TRMT2B: variants seen among roughly 807,000 people sequenced by gnomAD.
The protein encoded by TRMT2B is tRNA (uracil-5-)-methyltransferase homolog B.
TRMT2B carries 34 observed loss-of-function variants against 39.7 expected under a neutral mutation model. The ratio of observed to expected loss-of-function variants is 0.86; its 90% CI spans 0.65 to 1.14. The LOEUF is 1.14. TRMT2B is among the 50% of genes most tolerant of loss of function. The probability of loss-of-function intolerance (pLI) is 0.00; values close to 1 mark genes in which losing one functional copy is unlikely to be tolerated. For synonymous variants in TRMT2B, 132 were observed against 137.3 expected (o/e 0.96, Z 0.27); for missense variants, 318 against 377.2 (o/e 0.84, Z 1.30).
intron 2 of TRMT2B, among the ~76,000 whole-genome samples, chrX:101,050,561 C>T (rs1035971419): frequency 1.8e-5 from 2 of 109,282 alleles, no homozygotes; most frequent in Non-Finnish European, 3.8e-5. Context: ...CCTGTCTATA[C>T]TAAAAGTACA....
At chrX:100,982,692 G>A in the TRMT2B span, among the ~76,000 whole-genome samples, 1 of 95,469 alleles carries the variant, frequency 1.0e-5, no homozygotes, top group Non-Finnish European at 2.0e-5. Context: ...CTGTCACCCC[G>A]ACTGGGGTGC....
At chrX:101,021,366 C>T (rs1370517195) in intron 9 of TRMT2B, 51 bp from the exon 10 acceptor site, 4 of 1,088,747 alleles carry the variant, frequency 3.7e-6, no homozygotes, top group Non-Finnish European at 3.7e-6. Flanking sequence ...CGGTGGCTCA[C>T]GCCTGTAATC....
chrX:100,999,664 A>T, the TRMT2B span, among the ~76,000 whole-genome samples: 1 of 112,364 alleles, frequency 8.9e-6, no homozygotes, highest in East Asian at 2.8e-4. Flanking sequence ...GCTGGTCTGG[A>T]CATGGTCTGC....
At position 101,019,779 on chromosome X, in the gene TRMT2B, C is replaced by G. The variant is rs185756164; in HGVS notation, c.1169-376G>C. On this transcript the variant is annotated intron_variant, in intron 11 of 13. Coordinates refer to ENST00000372936, the MANE Select transcript of TRMT2B (RefSeq NM_024917.6). ...TCCCGAGTAGCTTGGATTACAGGCGCCTGCCACCACGACCGGCTAATTTTG... is the reference window on the plus strand; with the variant it reads ...TCCCGAGTAGCTTGGATTACAGGCGGCTGCCACCACGACCGGCTAATTTTG... Among the ~76,000 whole-genome samples, 39 of 108,973 alleles carry G rather than the reference C, an allele frequency of 3.6e-4. No individual in the cohort carries two copies. The East Asian group carries it at 0.01, about 29-fold the overall frequency. The allele number at this position is 108,973 out of a possible 115,157, so 94.6% of individuals were successfully genotyped here.
rs773768252 is a variant in TRMT2B at position 101,009,535 on chromosome X, C to T, written c.*1046G>A. On this transcript the variant is annotated 3_prime_UTR_variant, in exon 14 of 14. Transcript: ENST00000372936. ...GTGCTATTGCTCCTAGGGATAACTA[C>T]ATTTTCTTTTTTTTTTTTTTTTTGA... The T allele has an allele frequency of 1.1e-5, 1 of 87,088 alleles. No homozygotes were observed. Among genetic ancestry groups the T allele is most frequent in the South Asian group, 5.6e-4 (1 of 1,788 alleles). 7.2% of individuals were successfully genotyped at this position (87,088 alleles called of 1,213,427 possible). A position where few individuals can be genotyped will look rare whatever the true frequency, so the allele number is the denominator to read the frequency against.
chrX:101,048,113 T>TACACACATAC (rs1556364027), intron 2 of TRMT2B, among the ~76,000 whole-genome samples: 38 of 90,417 alleles, frequency 4.2e-4, no homozygotes, highest in African/African-American at 1.3e-3. Context: ...TTTATACACA[T>TACACACATAC]ACACACACAC....
At chrX:101,005,140 C>T (rs935040467), downstream of TRMT2B, among the ~76,000 whole-genome samples, 2 of 111,458 alleles carry the variant, frequency 1.8e-5, no homozygotes, top group South Asian at 3.8e-4. Context: ...TGCCTGTAAT[C>T]CCAGCATTCT....
chrX:100,987,284 G>C, the TRMT2B span: 15 of 813,378 alleles, frequency 1.8e-5, no homozygotes, highest in Admixed American at 4.3e-4. Context: ...TCTAGGCATA[G>C]CAGAGTTTAT....
At chrX:101,033,256 CAAA>C (rs748471263) in intron 7 of TRMT2B, among the ~76,000 whole-genome samples, 1 of 58,175 alleles carries the variant, frequency 1.7e-5, no homozygotes. Flanking sequence ...AACTCCAAGT[CAAA>C]AAAAAAAAAA....
intron 7 of TRMT2B, among the ~76,000 whole-genome samples, chrX:101,031,732 T>C (rs1386843425): frequency 1.0e-4 from 10 of 97,046 alleles, no homozygotes; most frequent in Non-Finnish European, 1.9e-4. Flanking sequence ...AAAAAGCAAA[T>C]AGAAAGATAA....
intron 7 of TRMT2B, among the ~76,000 whole-genome samples, chrX:101,024,464 C>CGTGG (rs747953618): frequency 9.0e-6 from 1 of 111,010 alleles, no homozygotes; most frequent in East Asian, 2.8e-4. Context: ...GGGAGGCCAA[C>CGTGG]GTGGGAGGAT....
At chrX:101,039,495 C>T (rs1455875907) in intron 4 of TRMT2B, among the ~76,000 whole-genome samples, 1 of 112,312 alleles carries the variant, frequency 8.9e-6, no homozygotes, top group Non-Finnish European at 1.9e-5. Context: ...ATGGGAAAAA[C>T]AGGATTAGGC....
chrX:101,030,976 A>AT (rs761961934), intron 7 of TRMT2B, among the ~76,000 whole-genome samples: 4,615 of 102,002 alleles, frequency 0.045, 270 homozygotes, highest in African/African-American at 0.15. Context: ...AAGCCTCACT[A>AT]TTTTTTTTTT....
chrX:101,008,579 C>T (rs191014678), downstream of TRMT2B, among the ~76,000 whole-genome samples: 279 of 111,552 alleles, frequency 2.5e-3, no homozygotes, highest in African/African-American at 8.7e-3. Flanking sequence ...GCTGAGATCA[C>T]GCCACTGTAC....
intron 7 of TRMT2B, among the ~76,000 whole-genome samples, chrX:101,027,617 AG>A (rs113748490): frequency 0.082 from 9,016 of 109,858 alleles, 345 homozygotes; most frequent in Admixed American, 0.12. Context: ...TTAAAATGAG[AG>A]TGCCCCAGGG....
chrX:100,990,327 T>A, the TRMT2B span: 1 of 910,801 alleles, frequency 1.1e-6, no homozygotes, highest in Non-Finnish European at 1.4e-6. Context: ...CTCTTTTTAC[T>A]TTCAACAGAG....
At chrX:100,977,658 G>A in the TRMT2B span, among the ~76,000 whole-genome samples, 1 of 111,616 alleles carries the variant, frequency 9.0e-6, no homozygotes, top group Non-Finnish European at 1.9e-5. Context: ...TGGGATTATA[G>A]GCATGTACCA....
chrX:101,016,642 GTT>G (rs397827366), intron 13 of TRMT2B, among the ~76,000 whole-genome samples: 2 of 57,618 alleles, frequency 3.5e-5, no homozygotes, highest in Non-Finnish European at 3.2e-5. Context: ...AATTTTCGTG[GTT>G]TTTTTTTTTT....
intron 2 of TRMT2B, among the ~76,000 whole-genome samples, chrX:101,047,839 C>T (rs1309101677): frequency 1.9e-5 from 2 of 107,898 alleles, no homozygotes; most frequent in Non-Finnish European, 3.8e-5. Context: ...AAAAAAAAAA[C>T]AGAGATGGGG....
Sources: allele counts gnomAD v4.1 joint callset (sites outside exome capture counted in the v4.1 genomes callset), GRCh38; gene constraint gnomAD v4.1.1; transcripts MANE v1.5; gene names NCBI Gene and HGNC (gene_info 2026-07-23, HGNC 2026-07-21).